The following TUT4 variants were observed in gnomAD, a reference collection of about 807,000 sequenced individuals.
The protein encoded by TUT4 is terminal uridylyltransferase 4.
In TUT4, 36 loss-of-function variants were observed where a neutral mutation model predicts 192.2. That is an observed-to-expected ratio of 0.19 (90% CI 0.14 to 0.25). TUT4 has a LOEUF of 0.25. Among genes scored for constraint, TUT4 ranks in the 10% least tolerant of loss-of-function variants. The pLI, the probability that TUT4 is intolerant of heterozygous loss-of-function variation, is 1.00. For synonymous variants in TUT4, 618 were observed against 666.0 expected (o/e 0.93, Z 1.11); for missense variants, 1,493 against 1,957.2 (o/e 0.76, Z 4.47).
intron 1 of TUT4, among the ~76,000 whole-genome samples, chr1:52,528,465 T>G (rs1682438762): frequency 6.9e-6 from 1 of 145,328 alleles, no homozygotes; most frequent in Admixed American, 7.0e-5. Flanking sequence ...CATTCCAGTC[T>G]GGGCAACAGA....
At chr1:52,439,117 G>GCTGA (rs922463453) in intron 24 of TUT4, among the ~76,000 whole-genome samples, 5 of 151,064 alleles carry the variant, frequency 3.3e-5, no homozygotes, top group African/African-American at 1.2e-4. Flanking sequence ...TACTCAGGAG[G>GCTGA]CTGAGATGGG....
At chr1:52,480,195 G>C (rs1273658806) in intron 11 of TUT4, among the ~76,000 whole-genome samples, 1 of 151,902 alleles carries the variant, frequency 6.6e-6, no homozygotes, top group Non-Finnish European at 1.5e-5. Context: ...CAAGAAAAAA[G>C]GGATCGTGAA....
At chr1:52,437,084 A>G in intron 25 of TUT4, 106 bp from the exon 26 acceptor site, 2 of 1,447,464 alleles carry the variant, frequency 1.4e-6, no homozygotes, top group Non-Finnish European at 1.8e-6. Context: ...CCATCATTTC[A>G]TGCGTCTTTT....
At chr1:52,545,903 C>T (rs1687947060) in intron 1 of TUT4, among the ~76,000 whole-genome samples, 1 of 146,462 alleles carries the variant, frequency 6.8e-6, no homozygotes, top group South Asian at 2.1e-4. Flanking sequence ...AGGCACATCA[C>T]TTGAGCTCAG....
intron 13 of TUT4, 38 bp from the exon 14 acceptor site, chr1:52,472,140 T>C: frequency 6.3e-7 from 1 of 1,586,880 alleles, no homozygotes; most frequent in Non-Finnish European, 8.6e-7. Context: ...CTAATAAACT[T>C]TTGAGGGACT....
chr1:52,427,489 C>T (rs1339735409), intron 28 of TUT4, among the ~76,000 whole-genome samples: 2 of 152,174 alleles, frequency 1.3e-5, no homozygotes, highest in African/African-American at 4.8e-5. Flanking sequence ...AAAAATGGAG[C>T]TGATACATCA....
At chr1:52,525,292 G>A (rs753558655) in intron 2 of TUT4, among the ~76,000 whole-genome samples, 1 of 152,104 alleles carries the variant, frequency 6.6e-6, no homozygotes, top group Non-Finnish European at 1.5e-5. Context: ...GTACGAGCAT[G>A]TGTGTACCAA....
chr1:52,488,772 G>A, intron 9 of TUT4, 137 bp downstream of exon 9: 2 of 934,032 alleles, frequency 2.1e-6, no homozygotes, highest in Non-Finnish European at 1.5e-6. Context: ...CCAACTTTCT[G>A]TCTAGCACAG....
At chr1:52,514,479 C>CA (rs1557910843) in intron 3 of TUT4, among the ~76,000 whole-genome samples, 1 of 151,774 alleles carries the variant, frequency 6.6e-6, no homozygotes, top group South Asian at 2.1e-4. Flanking sequence ...GAGCAAATTG[C>CA]AAAAAAGACT....
chr1:52,459,948 GA>G (rs985130741), intron 19 of TUT4, among the ~76,000 whole-genome samples: 1 of 151,854 alleles, frequency 6.6e-6, no homozygotes, highest in Non-Finnish European at 1.5e-5. Flanking sequence ...GAGGGAGGAG[GA>G]ATGAAACCTG....
chr1:52,499,846 G>A (rs547586496), intron 4 of TUT4, among the ~76,000 whole-genome samples: 24 of 151,996 alleles, frequency 1.6e-4, no homozygotes, highest in South Asian at 2.1e-4. Flanking sequence ...AGAGGTGGGC[G>A]GATCACTTGA....
intron 28 of TUT4, among the ~76,000 whole-genome samples, chr1:52,428,418 G>A (rs1650741986): frequency 6.6e-6 from 1 of 152,078 alleles, no homozygotes; most frequent in Non-Finnish European, 1.5e-5. Context: ...TTTGAGGTCA[G>A]AAGTTCAAGA....
chr1:52,463,439 T>C (rs1663171932), intron 16 of TUT4: 6 of 1,024,176 alleles, frequency 5.9e-6, no homozygotes, highest in Non-Finnish European at 7.0e-6. Flanking sequence ...AGAAGTTAAG[T>C]CATCACTGCC....
chr1:52,435,628 T>C (rs1196133149), intron 26 of TUT4, among the ~76,000 whole-genome samples, 163 bp from the exon 27 acceptor site: 1 of 152,246 alleles, frequency 6.6e-6, no homozygotes, highest in Non-Finnish European at 1.5e-5. Flanking sequence ...TTGCAGCAAC[T>C]GAGCTACTTA....
intron 15 of TUT4, among the ~76,000 whole-genome samples, chr1:52,466,881 C>T (rs1664363507): frequency 6.6e-6 from 1 of 151,844 alleles, no homozygotes; most frequent in African/African-American, 2.4e-5. Flanking sequence ...TGGCCAGACT[C>T]GTCTCGAACT....
chr1:52,494,847 GAT>G (rs1292810601), intron 6 of TUT4, among the ~76,000 whole-genome samples: 2 of 151,858 alleles, frequency 1.3e-5, no homozygotes, highest in African/African-American at 4.8e-5. Flanking sequence ...TTAAAAGATT[GAT>G]ATGTCAATAA....
chr1:52,430,615 G>A (rs1229570575), intron 28 of TUT4, among the ~76,000 whole-genome samples: 1 of 152,210 alleles, frequency 6.6e-6, no homozygotes, highest in Non-Finnish European at 1.5e-5. Context: ...CAGTAAGACA[G>A]TGAAGTTACT....
chr1:52,493,573 T>TAAAAAA, intron 7 of TUT4, 38 bp downstream of exon 7: 1 of 1,043,364 alleles, frequency 9.6e-7, no homozygotes. Flanking sequence ...AAAGACAAAT[T>TAAAAAA]AAAAAAAAAA....
intron 4 of TUT4, among the ~76,000 whole-genome samples, chr1:52,498,162 A>T (rs1672912839): frequency 6.6e-6 from 1 of 152,056 alleles, no homozygotes; most frequent in Admixed American, 6.6e-5. Flanking sequence ...TCATTTTTCT[A>T]AGTCTCTGTG....
Sources: allele counts gnomAD v4.1 joint callset (sites outside exome capture counted in the v4.1 genomes callset), GRCh38; gene constraint gnomAD v4.1.1; transcripts MANE v1.5; gene names NCBI Gene and HGNC (gene_info 2026-07-23, HGNC 2026-07-21).